USO1: variants seen among roughly 807,000 people sequenced by gnomAD.
The protein encoded by USO1 is general vesicular transport factor p115.
USO1 carries 57 observed loss-of-function variants against 124.5 expected under a neutral mutation model. That is an observed-to-expected ratio of 0.46 (90% CI 0.37 to 0.57). The LOEUF (loss-of-function observed/expected upper bound fraction) is 0.57. USO1 is among the 20% of genes least tolerant of loss of function. The pLI, the probability that USO1 is intolerant of heterozygous loss-of-function variation, is 0.00. For missense variants in USO1, 900 were observed against 1,040.6 expected, an observed-to-expected ratio of 0.86 and a Z score of 1.86; for synonymous variants, 369 against 362.8, an observed-to-expected ratio of 1.02 and a Z score of -0.19.
intron 10 of USO1, among the ~76,000 whole-genome samples, chr4:75,788,026 C>G (rs1722411500): frequency 6.6e-6 from 1 of 152,052 alleles, no homozygotes; most frequent in South Asian, 2.1e-4. Flanking sequence ...CCTCCATTCT[C>G]CTACTCCAAT....
intron 3 of USO1, among the ~76,000 whole-genome samples, chr4:75,754,387 A>G (rs766094376): frequency 1.1e-4 from 17 of 151,998 alleles, no homozygotes; most frequent in Non-Finnish European, 1.8e-4. Flanking sequence ...CTGGCCCTCA[A>G]TTTCTTTTTA....
intron 4 of USO1, among the ~76,000 whole-genome samples, chr4:75,767,786 GTTAAGTC>G (rs1267950213): frequency 6.6e-5 from 10 of 152,186 alleles, no homozygotes; most frequent in African/African-American, 2.4e-4. Flanking sequence ...ATTATGTAGT[GTTAAGTC>G]TTCTAACTTT....
At chr4:75,740,266 A>G (rs1720920839) in intron 1 of USO1, among the ~76,000 whole-genome samples, 1 of 152,126 alleles carries the variant, frequency 6.6e-6, no homozygotes, top group Admixed American at 6.6e-5. Flanking sequence ...GCGGGAAACT[A>G]ACCCTGTATT....
chr4:75,781,081 A>G (rs554409676), intron 8 of USO1, among the ~76,000 whole-genome samples: 1 of 152,294 alleles, frequency 6.6e-6, no homozygotes, highest in East Asian at 1.9e-4. Flanking sequence ...TCTAGATACC[A>G]TTAAGAACAT....
At chr4:75,761,327 G>A (rs1721600380) in intron 4 of USO1, among the ~76,000 whole-genome samples, 1 of 152,110 alleles carries the variant, frequency 6.6e-6, no homozygotes, top group African/African-American at 2.4e-5. Context: ...TGGGAAAACT[G>A]CTTGAGCCCA....
chr4:75,735,769 A>T (rs766450816), intron 1 of USO1, among the ~76,000 whole-genome samples: 2 of 151,964 alleles, frequency 1.3e-5, no homozygotes, highest in Non-Finnish European at 1.5e-5. Context: ...GATCCTCTCA[A>T]AGTGCTGGGA....
Position 75,805,292 on chromosome 4 carries a change from A to T in USO1, c.2278A>T (p.Ile760Phe), listed in dbSNP as rs1485419593. 1.1e-5 allele frequency: 18 copies of T among 1,601,120 alleles called. No homozygotes were observed. Among genetic ancestry groups the T allele is most frequent in the Non-Finnish European group, 1.5e-5 (18 of 1,175,276 alleles). Residue 760 changes from isoleucine (I) to phenylalanine (F), a missense_variant, in exon 19 of 24, where the codon ATT (isoleucine) becomes TTT (phenylalanine). Coordinates refer to ENST00000514213, the MANE Select transcript of USO1 (RefSeq NM_003715.4). ...CCAGCTGACTGAAAAGGACTCTATG[A>T]TTGAAAATATGGTAAAGTAAATGTT... ...QSQLTEKDSM[I>F]ENMKSSQTSG...
At chr4:75,770,740 G>A in intron 5 of USO1, 82 bp from the exon 6 acceptor site, 3 of 1,554,996 alleles carry the variant, frequency 1.9e-6, no homozygotes, top group Admixed American at 2.1e-5. Flanking sequence ...TGTAGTTTCT[G>A]GTAAAAGTTA....
At position 75,812,231 on chromosome 4, in the gene USO1, T is replaced by C; in HGVS notation, c.2655T>C (p.Ile885=). 6.2e-7 allele frequency: 1 copy of C among 1,610,374 alleles called. No individual in the cohort carries two copies. ...AGCTGGATTCATCTAATAGTACCAT[T>C]GCCATTTTACAAACTGAGAAAGACA... is the stretch of plus-strand genomic sequence containing the variant. The part of the protein sequence containing the change: ...KEQLDSSNST[I]AILQTEKDKL... Residue 885 remains isoleucine, a synonymous_variant, in exon 23 of 24, where the codon ATT becomes ATC. Transcript: ENST00000514213.
Position 75,790,815 on chromosome 4 carries a change from A to G in USO1, c.1240+18A>G. 1.3e-6 allele frequency: 2 copies of G among 1,539,264 alleles called. No individual in the cohort carries two copies. Among genetic ancestry groups the G allele is most frequent in the Non-Finnish European group, 1.7e-6 (2 of 1,146,340 alleles). The stretch of plus-strand genomic sequence containing the variant: ...CATTGATGGTAAATAATTTAGTTCT[A>G]ATTTTTATTTGAAAAAGTAAATCAT... On this transcript the variant is annotated intron_variant, in intron 12 of 23. Coordinates refer to ENST00000514213, the MANE Select transcript of USO1 (RefSeq NM_003715.4).
At chr4:75,751,416 T>C (rs1404180384) in intron 1 of USO1, among the ~76,000 whole-genome samples, 1 of 149,368 alleles carries the variant, frequency 6.7e-6, no homozygotes, top group Non-Finnish European at 1.5e-5. Flanking sequence ...TTCACCATAT[T>C]GGCCAAGCTC....
Position 75,812,042 on chromosome 4 carries a change from C to A in USO1, c.2584-118C>A, listed in dbSNP as rs1178264570. ...CCTCCTGTACCCTTAACCTCCACCC[C>A]TAAATTCCTTAGGTTGAACAAGTAC... On this transcript the variant is annotated intron_variant, in intron 22 of 23. Coordinates refer to ENST00000514213, the MANE Select transcript of USO1 (RefSeq NM_003715.4). 2.0e-6 allele frequency: 3 copies of A among 1,465,442 alleles called. No individual in the cohort carries two copies. The African/African-American group carries it at 4.3e-5, about 21-fold the overall frequency. 90.8% of individuals were successfully genotyped at this position (1,465,442 alleles called of 1,614,324 possible).
At chr4:75,744,076 CCT>C (rs1294594918) in intron 1 of USO1, among the ~76,000 whole-genome samples, 2 of 152,082 alleles carry the variant, frequency 1.3e-5, no homozygotes, top group African/African-American at 4.8e-5. Context: ...GTGCCTCGCC[CCT>C]GTTTTTCTTT....
At chr4:75,810,404 CA>C (rs773581325) in intron 21 of USO1, 27 bp from the exon 22 acceptor site, 1 of 1,582,238 alleles carries the variant, frequency 6.3e-7, no homozygotes, top group Admixed American at 1.9e-5. Flanking sequence ...GTTTAAGAGA[CA>C]TCTTTTTTTC....
chr4:75,769,259 T>TGAAA, intron 4 of USO1, among the ~76,000 whole-genome samples: 1 of 152,316 alleles, frequency 6.6e-6, no homozygotes, highest in Middle Eastern at 3.4e-3. Context: ...CCTTTTAAAA[T>TGAAA]GAAAGTATAA....
intron 4 of USO1, among the ~76,000 whole-genome samples, chr4:75,768,829 C>G (rs537709304): frequency 2.0e-5 from 3 of 152,324 alleles, no homozygotes; most frequent in South Asian, 4.1e-4. Context: ...GTTTACCACT[C>G]TAATGTGTTT....
chr4:75,787,331 T>TA (rs1722391863), intron 10 of USO1, 129 bp downstream of exon 10: 7 of 1,197,160 alleles, frequency 5.8e-6, no homozygotes, highest in Non-Finnish European at 6.5e-6. Flanking sequence ...TTAATGATCT[T>TA]ACTAAAATAT....
rs145415070 is a variant in USO1, at chr4:75,729,465, G to A, written c.66+4580G>A. 1.0e-3 allele frequency among the ~76,000 whole-genome samples: 153 copies of A among 151,988 alleles called. No homozygotes were observed. The East Asian group carries it at 0.015, about 15-fold the overall frequency. On this transcript the variant is annotated intron_variant, in intron 1 of 23. Transcript: ENST00000514213. ...AGCAGTTCTCCTGGCTCAGTCTCCCGAGCAGCTGGGACTACAGGTGCACGC... is the reference window on the plus strand; with the variant it reads ...AGCAGTTCTCCTGGCTCAGTCTCCCAAGCAGCTGGGACTACAGGTGCACGC...
At chr4:75,747,786 T>TA (rs201482280) in intron 1 of USO1, among the ~76,000 whole-genome samples, 5 of 146,100 alleles carry the variant, frequency 3.4e-5, no homozygotes, top group East Asian at 2.0e-4. Context: ...ATTTTTTGTA[T>TA]TTTTTTTTTT....
Sources: gnomAD v4.1 joint callset for allele counts (sites outside exome capture counted in the v4.1 genomes callset) on GRCh38, gnomAD v4.1.1 for gene constraint, MANE v1.5 for transcripts, NCBI Gene and HGNC (gene_info 2026-07-23, HGNC 2026-07-21) for gene names.